Variants in GBP6 observed in about 807,000 individuals in gnomAD.
GBP6 encodes the protein guanylate binding protein family member 6.
GBP6 carries 54 observed loss-of-function variants against 61.5 expected under a neutral mutation model. That is an observed-to-expected ratio of 0.88 (90% CI 0.71 to 1.10). GBP6 has a LOEUF of 1.10. GBP6 is among the 50% of genes least tolerant of loss of function. The pLI is 0.00. For missense variants in GBP6, 748 were observed against 752.8 expected (o/e 0.99, Z 0.07); for synonymous variants, 255 against 273.7 (o/e 0.93, Z 0.67).
intron 4 of GBP6, 67 bp downstream of exon 4, chr1:89,378,279 A>C: frequency 6.5e-7 from 1 of 1,549,242 alleles, no homozygotes; most frequent in Non-Finnish European, 8.8e-7. Flanking sequence ...AGATCAAGTC[A>C]TTTCCTCCTT....
rs1004158318 is a variant in GBP6, at chr1:89,384,298, C to T, written c.1662+12C>T. The T allele has an allele frequency of 3.1e-6, 5 of 1,599,630 alleles. No homozygotes were observed. The African/African-American group carries it at 4.0e-5, about 13-fold the overall frequency. The stretch of plus-strand genomic sequence containing the variant: ...AGCACACGCAGAAGGTAAGTCTGCC[C>T]TTGGCCTCAGCAGGCCAGACGGTCC... On this transcript the variant is annotated intron_variant, in intron 10 of 10. Coordinates refer to ENST00000370456, the MANE Select transcript of GBP6 (RefSeq NM_198460.3).
rs1653124509 is a variant in GBP6, at chr1:89,385,707, A to C, written c.*238A>C. The C allele has an allele frequency of 3.1e-5, 11 of 352,882 alleles. No individual in the cohort carries two copies. In the South Asian group the frequency reaches 5.2e-4, roughly 17 times the overall value. The allele number at this position is 352,882 out of a possible 1,614,324, so 21.9% of individuals were successfully genotyped here. ...ACCACCACACCCAGCTAATTTTTGTATTTTTAGTAGAGATGGGGTTTCACT... is the reference window on the plus strand; with the variant it reads ...ACCACCACACCCAGCTAATTTTTGTCTTTTTAGTAGAGATGGGGTTTCACT... On this transcript the variant is annotated 3_prime_UTR_variant, in exon 11 of 11. Transcript: ENST00000370456.
At position 89,387,651 on chromosome 1, in the gene GBP6, G is replaced by A. The variant is rs1040949764; in HGVS notation, c.*2182G>A. Among the ~76,000 whole-genome samples the A allele has an allele frequency of 6.6e-5, 10 of 152,228 alleles. No homozygotes were observed. The highest frequency in any genetic ancestry group is 1.0e-4 in the Non-Finnish European group (7 of 68,040). On this transcript the variant is annotated 3_prime_UTR_variant, in exon 11 of 11. Transcript: ENST00000370456. ...CTCTGAGGTGGTTTAAAGGCTATGA[G>A]GCCAGGTGCAGTGGCTCACGCCTAT...
chr1:89,382,876 G>A lies in GBP6; in HGVS notation c.1365G>A (p.Lys455=). 2 of 1,607,454 alleles carry A rather than the reference G, an allele frequency of 1.2e-6. No individual in the cohort carries two copies. The highest frequency in any genetic ancestry group is 2.2e-5 in the East Asian group (1 of 44,838). The part of the protein sequence containing the change: ...DYWQVPRKGV[K]AKEVFQRFLE... ...GGCAAGTTCCCAGGAAAGGAGTAAA[G>A]GTAAGGAATAAGGGGAGCATGGGGA... The change falls in exon 8 of 11, where the codon AAG becomes AAA. Residue 455 remains lysine, a splice_region_variant and synonymous_variant. Coordinates refer to ENST00000370456, the MANE Select transcript of GBP6 (RefSeq NM_198460.3).
At chr1:89,369,437 C>A in intron 2 of GBP6, 109 bp from the exon 3 acceptor site, 4 of 1,278,788 alleles carry the variant, frequency 3.1e-6, no homozygotes, top group Non-Finnish European at 4.3e-6. Flanking sequence ...ACAGAAAGGA[C>A]CATCATGTAT....
chr1:89,371,432 G>A (rs907526949), intron 3 of GBP6, among the ~76,000 whole-genome samples: 1 of 152,074 alleles, frequency 6.6e-6, no homozygotes, highest in East Asian at 1.9e-4. Flanking sequence ...CTGGCAAACC[G>A]AATCCAGCAG....
At chr1:89,382,571 G>A (rs1653008955) in intron 7 of GBP6, 93 bp from the exon 8 acceptor site, 5 of 964,332 alleles carry the variant, frequency 5.2e-6, no homozygotes, top group African/African-American at 1.6e-5. Context: ...TTCTCATGAG[G>A]ACCACAGTTA....
chr1:89,367,469 G>GCC (rs1652496216), intron 1 of GBP6, among the ~76,000 whole-genome samples: 1 of 152,094 alleles, frequency 6.6e-6, no homozygotes, highest in African/African-American at 2.4e-5. Flanking sequence ...TTCTTCTTTG[G>GCC]ATAAACGTCT....
chr1:89,382,982 C>G, intron 8 of GBP6, 106 bp downstream of exon 8: 1 of 661,368 alleles, frequency 1.5e-6, no homozygotes, highest in South Asian at 2.0e-5. Context: ...AACGCCTTAG[C>G]TTTCAATGTC....
intron 3 of GBP6, among the ~76,000 whole-genome samples, chr1:89,374,781 T>G (rs4529696): frequency 0.63 from 95,279 of 152,012 alleles, 30,083 homozygotes; most frequent in East Asian, 0.71. Context: ...TATTTTAACT[T>G]CAGCGGTACA....
At position 89,385,541 on chromosome 1, in the gene GBP6, G is replaced by GGT; in HGVS notation, c.*72_*73insGT. ...TATGTTTTTCATTTTCATTCAGCAA[G>GGT]TTTTTTTTTTTTTTCAGAGTCTTAC... is the stretch of plus-strand genomic sequence containing the variant. On this transcript the variant is annotated 3_prime_UTR_variant, in exon 11 of 11. Coordinates refer to ENST00000370456, the MANE Select transcript of GBP6 (RefSeq NM_198460.3). The GGT allele has an allele frequency of 8.8e-7, 1 of 1,138,946 alleles. No homozygotes were observed. Among genetic ancestry groups the GGT allele is most frequent in the Non-Finnish European group, 1.2e-6 (1 of 838,914 alleles). 70.6% of individuals were successfully genotyped at this position (1,138,946 alleles called of 1,614,324 possible). A position where few individuals can be genotyped will look rare whatever the true frequency, so the allele number is the denominator to read the frequency against.
At chr1:89,372,187 A>G (rs1652663510) in intron 3 of GBP6, among the ~76,000 whole-genome samples, 1 of 152,272 alleles carries the variant, frequency 6.6e-6, no homozygotes, top group African/African-American at 2.4e-5. Context: ...ATGGAAGAGC[A>G]TTCCATGCTC....
At chr1:89,369,697 G>A in intron 3 of GBP6, 24 bp downstream of exon 3, 1 of 1,604,236 alleles carries the variant, frequency 6.2e-7, no homozygotes, top group East Asian at 2.2e-5. Context: ...TCATAGACAG[G>A]TTCCTTTTAT....
chr1:89,385,191 A>AT, intron 10 of GBP6, 39 bp from the exon 11 acceptor site: 4 of 1,567,786 alleles, frequency 2.6e-6, no homozygotes, highest in Non-Finnish European at 3.5e-6. Context: ...AAGAATAGGG[A>AT]TTTTTAAAAA....
At position 89,378,457 on chromosome 1, in the gene GBP6, T is replaced by G. The variant is rs1652867775; in HGVS notation, c.469T>G (p.Ser157Ala). Residue 157 changes from serine to alanine, a missense_variant, in exon 5 of 11, where the codon TCC (serine) becomes GCC (alanine). Coordinates refer to ENST00000370456, the MANE Select transcript of GBP6 (RefSeq NM_198460.3). The stretch of plus-strand genomic sequence containing the variant: ...CACAGAACTAATTAAGGCAAAGTCC[T>G]CCCCAAGGCCTGATGGAGTAGAAGA... ...ELTELIKAKS[S>A]PRPDGVEDST... The G allele has an allele frequency of 6.2e-7, 1 of 1,614,116 alleles. No homozygotes were observed. The highest frequency in any genetic ancestry group is 1.7e-5 in the Admixed American group (1 of 59,996).
In GBP6 at chr1:89,374,973, C is replaced by T. The variant is rs566444715; in HGVS notation, c.319-3130C>T. Among the ~76,000 whole-genome samples, 22 of 152,172 alleles carry T rather than the reference C, an allele frequency of 1.4e-4. No individual in the cohort carries two copies. In the East Asian group the frequency reaches 2.3e-3, roughly 16 times the overall value. Reference sequence around the variant, plus strand: ...TGTGTGTTGTTCCCCTCTATATGTCCGTATGTTCTTATCATTTAGTTCCCA... The same window carrying T: ...TGTGTGTTGTTCCCCTCTATATGTCTGTATGTTCTTATCATTTAGTTCCCA... On this transcript the variant is annotated intron_variant, in intron 3 of 10. Transcript: ENST00000370456.
rs1653066779 is a variant in GBP6, at chr1:89,384,109, G to A, written c.1485G>A (p.Lys495=). 6.2e-7 allele frequency: 1 copy of A among 1,612,408 alleles called. No homozygotes were observed. Among genetic ancestry groups the A allele is most frequent in the South Asian group, 1.1e-5 (1 of 90,780 alleles). The change falls in exon 10 of 11, where the codon AAG becomes AAA. Residue 495 remains lysine, a synonymous_variant. Transcript: ENST00000370456. Reference sequence around the variant, plus strand: ...ATGGAGCAGTGGATCGGGCCAAGAAGGAGGCAGCTGAGAAGGAACAGGAAC... The same window carrying A: ...ATGGAGCAGTGGATCGGGCCAAGAAAGAGGCAGCTGAGAAGGAACAGGAAC... ...EKAVAVDRAK[K]EAAEKEQELL...
chr1:89,384,658 A>G (rs1653085616), intron 10 of GBP6, among the ~76,000 whole-genome samples: 1 of 152,216 alleles, frequency 6.6e-6, no homozygotes, highest in African/African-American at 2.4e-5. Context: ...ACCACATATT[A>G]CCAGGAGCTC....
rs1653173850 is a variant in GBP6, at chr1:89,387,490, G to A, written c.*2021G>A. On this transcript the variant is annotated 3_prime_UTR_variant, in exon 11 of 11. Transcript: ENST00000370456. Reference sequence around the variant, plus strand: ...CTCCTTGGGAGTATGTTCAGGCATAGGTTGTGCTAAATAAGCTTCTTTTAT... The same window carrying A: ...CTCCTTGGGAGTATGTTCAGGCATAAGTTGTGCTAAATAAGCTTCTTTTAT... Among the ~76,000 whole-genome samples the A allele has an allele frequency of 6.6e-6, 1 of 152,180 alleles. No homozygotes were observed. The highest frequency in any genetic ancestry group is 6.5e-5 in the Admixed American group (1 of 15,280).
Sources: allele counts gnomAD v4.1 joint callset (sites outside exome capture counted in the v4.1 genomes callset), GRCh38; gene constraint gnomAD v4.1.1; transcripts MANE v1.5; gene names NCBI Gene and HGNC (gene_info 2026-07-23, HGNC 2026-07-21).